The following CC2D2A variants were observed in gnomAD, a reference collection of about 807,000 sequenced individuals.
CC2D2A encodes the protein coiled-coil and C2 domain containing 2A, also known as coiled-coil and C2 domain-containing protein 2A.
Under a neutral mutation model 212.9 loss-of-function variants are expected in CC2D2A, and 155 were observed. The ratio of observed to expected loss-of-function variants is 0.73; its 90% CI spans 0.64 to 0.83. CC2D2A has a LOEUF of 0.83. CC2D2A is among the 40% of genes least tolerant of loss of function. The pLI is 0.00. For missense variants in CC2D2A, 1,856 were observed against 1,956.2 expected, an observed-to-expected ratio of 0.95 and a Z score of 0.97; for synonymous variants, 667 against 686.5, an observed-to-expected ratio of 0.97 and a Z score of 0.44.
intron 36 of CC2D2A, among the ~76,000 whole-genome samples, chr4:15,600,902 T>C (rs1483448341): frequency 6.8e-5 from 1 of 14,646 alleles, no homozygotes; most frequent in Non-Finnish European, 2.4e-4. Flanking sequence ...CAGACCTGTC[T>C]CAAAAAAAAA....
chr4:15,568,534 G>C (rs1215902380), intron 26 of CC2D2A, among the ~76,000 whole-genome samples: 6 of 152,214 alleles, frequency 3.9e-5, no homozygotes, highest in African/African-American at 9.6e-5. Flanking sequence ...GTTGCAGTGA[G>C]TCAAGATCAC....
chr4:15,517,690 A>C (rs902927166), intron 11 of CC2D2A, among the ~76,000 whole-genome samples: 21 of 152,296 alleles, frequency 1.4e-4, no homozygotes, highest in African/African-American at 4.8e-4. Flanking sequence ...CTGCCCTCAT[A>C]TTTAATTGCA....
chr4:15,516,851 T>A, intron 11 of CC2D2A, 95 bp downstream of exon 11: 1 of 1,241,620 alleles, frequency 8.1e-7, no homozygotes, highest in Non-Finnish European at 1.1e-6. Flanking sequence ...CATTCTACTT[T>A]AATTTTTTAA....
In CC2D2A at chr4:15,550,815, G is replaced by A. The variant is rs376312792; in HGVS notation, c.2182-9G>A. On this transcript the variant is annotated splice_polypyrimidine_tract_variant and intron_variant, in intron 17 of 36. Transcript: ENST00000424120. ...TTTTTATTGGCTATTTCTCTTCTCTGGTTTTCAGGTCTATGAAACTGTCGG... is the reference window on the plus strand; with the variant it reads ...TTTTTATTGGCTATTTCTCTTCTCTAGTTTTCAGGTCTATGAAACTGTCGG... The A allele has an allele frequency of 6.2e-5, 96 of 1,549,652 alleles. 2 individuals are homozygous for A. In the Middle Eastern group the frequency reaches 1.6e-3, roughly 25 times the overall value.
At chr4:15,497,821 G>C (rs374020349) in intron 4 of CC2D2A, among the ~76,000 whole-genome samples, 1 of 152,002 alleles carries the variant, frequency 6.6e-6, no homozygotes, top group South Asian at 2.1e-4. Flanking sequence ...GCCTATTCAT[G>C]TGTTCTGCAC....
intron 30 of CC2D2A, among the ~76,000 whole-genome samples, chr4:15,581,183 G>GT (rs1487441093): frequency 6.6e-6 from 1 of 152,076 alleles, no homozygotes; most frequent in East Asian, 1.9e-4. Flanking sequence ...AGATATAGAT[G>GT]TATCAAAAAA....
chr4:15,481,716 A>C (rs1428380178), intron 4 of CC2D2A: 1 of 864,778 alleles, frequency 1.2e-6, no homozygotes, highest in African/African-American at 1.8e-5. Context: ...TTTATAAATT[A>C]CCCAGTCTCA....
chr4:15,584,324 T>C lies in CC2D2A; in HGVS notation c.3976-1833T>C, dbSNP rs143248558. 1.8e-3 allele frequency among the ~76,000 whole-genome samples: 276 copies of C among 152,232 alleles called. 8 individuals carry two copies. The highest frequency in any genetic ancestry group is 0.012 in the South Asian group (57 of 4,826). ...ACCCACATAGACCAATGGAAGAGGATAGCAAACCCAGAAATAAGTCCATGC... is the reference window on the plus strand; with the variant it reads ...ACCCACATAGACCAATGGAAGAGGACAGCAAACCCAGAAATAAGTCCATGC... On this transcript the variant is annotated intron_variant, in intron 30 of 36. Coordinates refer to ENST00000424120, the MANE Select transcript of CC2D2A (RefSeq NM_001378615.1).
rs188360699 is a variant in CC2D2A, at chr4:15,542,019, G to A, written c.2181+1005G>A. Among the ~76,000 whole-genome samples the A allele has an allele frequency of 7.9e-5, 12 of 152,026 alleles. No homozygotes were observed. In the East Asian group the frequency reaches 2.3e-3, roughly 29 times the overall value. On this transcript the variant is annotated intron_variant, in intron 17 of 36. Transcript: ENST00000424120. Reference sequence around the variant, plus strand: ...TTAGAGTTCCTTGGTTTGTGTTAGCGTAACTCTAATCTCTGCTTCCATCTT... The same window carrying A: ...TTAGAGTTCCTTGGTTTGTGTTAGCATAACTCTAATCTCTGCTTCCATCTT...
chr4:15,582,212 C>T (rs755962509), intron 30 of CC2D2A, among the ~76,000 whole-genome samples: 22 of 146,204 alleles, frequency 1.5e-4, no homozygotes, highest in African/African-American at 5.3e-4. Flanking sequence ...TTAAACAAAA[C>T]ATTGAATACA....
rs1410261022 is a variant in CC2D2A at position 15,536,992 on chromosome 4, A to G, written c.1680A>G (p.Leu560=). Residue 560 remains leucine (L), a synonymous_variant, in exon 15 of 37, where the codon TTA becomes TTG. Transcript: ENST00000424120. ...TTCAAGCTGAAATAAGTGAACTGTT[A>G]GAAGAGCACACGGAGGAGTACGCAC... ...AEIQAEISEL[L]EEHTEEYAQK... 3.1e-6 allele frequency: 5 copies of G among 1,613,872 alleles called. No individual in the cohort carries two copies. Among genetic ancestry groups the G allele is most frequent in the Admixed American group, 1.7e-5 (1 of 60,028 alleles).
chr4:15,514,742 G>A lies in CC2D2A; in HGVS notation c.753G>A (p.Glu251=). 1 of 1,603,762 alleles carries A rather than the reference G, an allele frequency of 6.2e-7. No individual in the cohort carries two copies. The highest frequency in any genetic ancestry group is 2.2e-5 in the East Asian group (1 of 44,646). ...EEELLNGDDA[E]DFLLGLDHVA... is the part of the protein sequence containing the mutation. ...AACTGCTTAATGGTGATGATGCCGA[G>A]GACTTCCTATTGGGCTTAGATCACG... is the stretch of plus-strand genomic sequence containing the variant. Residue 251 remains glutamate, a synonymous_variant, in exon 9 of 37, where the codon GAG becomes GAA. Coordinates refer to ENST00000424120, the MANE Select transcript of CC2D2A (RefSeq NM_001378615.1).
chr4:15,560,094 A>G (rs548601782), intron 22 of CC2D2A, among the ~76,000 whole-genome samples: 16 of 151,810 alleles, frequency 1.1e-4, no homozygotes, highest in African/African-American at 3.4e-4. Context: ...GGCCTCTCAA[A>G]GTGCTGGGAT....
chr4:15,543,857 T>C (rs920069256), intron 17 of CC2D2A: 2 of 152,274 alleles, frequency 1.3e-5, no homozygotes, highest in South Asian at 2.1e-4. Context: ...CTCACTGGGA[T>C]GTACAATTAT....
intron 6 of CC2D2A, 59 bp from the exon 7 acceptor site, chr4:15,510,080 G>T: frequency 7.6e-7 from 1 of 1,318,000 alleles, no homozygotes; most frequent in South Asian, 1.3e-5. Flanking sequence ...CTTCATTTTA[G>T]AACAGCCTAA....
chr4:15,519,928 T>C, intron 11 of CC2D2A: 1 of 234,452 alleles, frequency 4.3e-6, no homozygotes, highest in Non-Finnish European at 8.7e-6. Context: ...CAGAAACCTG[T>C]GTAATTTTAA....
chr4:15,557,800 G>A (rs1577374735), intron 21 of CC2D2A, among the ~76,000 whole-genome samples: 1 of 152,242 alleles, frequency 6.6e-6, no homozygotes, highest in Non-Finnish European at 1.5e-5. Flanking sequence ...GGTTAATATG[G>A]CTAATAATAT....
chr4:15,484,294 G>T (rs1193794796), intron 4 of CC2D2A, among the ~76,000 whole-genome samples: 1 of 152,208 alleles, frequency 6.6e-6, no homozygotes, highest in African/African-American at 2.4e-5. Context: ...CAGCCAGGGG[G>T]CAAGGGCAGT....
intron 6 of CC2D2A, among the ~76,000 whole-genome samples, chr4:15,506,234 T>C (rs541809732): frequency 2.0e-4 from 31 of 152,336 alleles, no homozygotes; most frequent in African/African-American, 7.5e-4. Flanking sequence ...TGGCCTTAAA[T>C]GTATTAATAT....
Sources: gnomAD v4.1 joint callset for allele counts (sites outside exome capture counted in the v4.1 genomes callset) on GRCh38, gnomAD v4.1.1 for gene constraint, MANE v1.5 for transcripts, NCBI Gene and HGNC (gene_info 2026-07-23, HGNC 2026-07-21) for gene names.